The following MACROD2 variants were observed in gnomAD, a reference collection of about 807,000 sequenced individuals.
MACROD2 encodes the protein ADP-ribose glycohydrolase MACROD2.
A neutral mutation model predicts 70.4 loss-of-function variants in MACROD2; 36 were observed. That is an observed-to-expected ratio of 0.51 (90% CI 0.39 to 0.68). MACROD2 has a LOEUF of 0.68. Among genes scored for constraint, MACROD2 ranks in the 30% least tolerant of loss-of-function variants. The pLI is 0.00. For missense variants in MACROD2, 496 were observed against 538.4 expected, an observed-to-expected ratio of 0.92 and a Z score of 0.78; for synonymous variants, 172 against 178.8, an observed-to-expected ratio of 0.96 and a Z score of 0.30.
intron 5 of MACROD2, among the ~76,000 whole-genome samples, chr20:15,157,610 A>T (rs1207508106): frequency 1.3e-5 from 2 of 152,086 alleles, no homozygotes; most frequent in Non-Finnish European, 2.9e-5. Flanking sequence ...GCTAGTGTTG[A>T]CTAATAGCAT....
intron 8 of MACROD2, among the ~76,000 whole-genome samples, chr20:15,641,505 C>T (rs1262695445): frequency 6.6e-6 from 1 of 152,180 alleles, no homozygotes; most frequent in Admixed American, 6.5e-5. Context: ...TTCATCATCA[C>T]CCAGAGAGAC....
rs147285479 is a variant in MACROD2, at chr20:15,225,163, A to C, written c.419-4777A>C. ...ATTTTTTAATATAAAGAAATTATTG[A>C]GGCTAGGAAAATAAAAGAAAGATAT... On this transcript the variant is annotated intron_variant, in intron 5 of 17. Coordinates refer to ENST00000684519, the MANE Select transcript of MACROD2 (RefSeq NM_001351661.2). 1.5e-3 allele frequency among the ~76,000 whole-genome samples: 226 copies of C among 152,190 alleles called. 6 individuals are homozygous for C. The East Asian group carries it at 0.031, about 21-fold the overall frequency.
intron 5 of MACROD2, among the ~76,000 whole-genome samples, chr20:14,943,724 C>T (rs1391713151): frequency 6.6e-6 from 1 of 152,142 alleles, no homozygotes; most frequent in Admixed American, 6.5e-5. Flanking sequence ...GGAGGATTAA[C>T]ATTTAAATAC....
intron 4 of MACROD2, among the ~76,000 whole-genome samples, chr20:14,678,871 C>T (rs1375493880): frequency 2.0e-5 from 3 of 152,034 alleles, no homozygotes; most frequent in Non-Finnish European, 2.9e-5. Context: ...GTGATGACAA[C>T]ACTAGCTGTG....
At chr20:15,864,488 G>A (rs1255177793) in intron 9 of MACROD2, among the ~76,000 whole-genome samples, 1 of 152,002 alleles carries the variant, frequency 6.6e-6, no homozygotes, top group African/African-American at 2.4e-5. Flanking sequence ...CTAAAATAAA[G>A]TCTGCAGGAA....
intron 4 of MACROD2, among the ~76,000 whole-genome samples, chr20:14,556,665 A>T (rs1342437593): frequency 6.6e-6 from 1 of 152,042 alleles, no homozygotes; most frequent in Non-Finnish European, 1.5e-5. Context: ...GATGAGTTAC[A>T]TGGGTATATT....
chr20:15,159,386 G>A (rs2076331739), intron 5 of MACROD2, among the ~76,000 whole-genome samples: 1 of 151,970 alleles, frequency 6.6e-6, no homozygotes, highest in South Asian at 2.1e-4. Context: ...GCAGAAATAA[G>A]AGTTCAATCA....
intron 8 of MACROD2, among the ~76,000 whole-genome samples, chr20:15,694,425 G>A (rs1236018239): frequency 6.6e-6 from 1 of 152,098 alleles, no homozygotes. Context: ...GAGTAAGGTG[G>A]TATCACATTG....
intron 7 of MACROD2, among the ~76,000 whole-genome samples, chr20:15,453,090 A>T (rs902732476): frequency 6.6e-6 from 1 of 152,132 alleles, no homozygotes. Flanking sequence ...TGAACACAGC[A>T]TCAGGACCTG....
intron 3 of MACROD2, among the ~76,000 whole-genome samples, chr20:14,319,221 T>C (rs2082638261): frequency 6.6e-6 from 1 of 152,168 alleles, no homozygotes; most frequent in Non-Finnish European, 1.5e-5. Context: ...TCATACCAAC[T>C]CATTCCATCT....
intron 10 of MACROD2, among the ~76,000 whole-genome samples, chr20:15,920,600 C>G (rs1048964206): frequency 6.6e-6 from 1 of 151,934 alleles, no homozygotes; most frequent in Non-Finnish European, 1.5e-5. Context: ...CCAGAATGTC[C>G]CCCTTGTTCC....
intron 5 of MACROD2, among the ~76,000 whole-genome samples, chr20:14,881,322 C>T (rs1171496637): frequency 6.7e-6 from 1 of 150,336 alleles, no homozygotes; most frequent in Non-Finnish European, 1.5e-5. Context: ...GTTCTACCAC[C>T]TCTGTTGACT....
intron 4 of MACROD2, among the ~76,000 whole-genome samples, chr20:14,541,577 C>A (rs1482322989): frequency 3.3e-5 from 5 of 149,602 alleles, no homozygotes; most frequent in African/African-American, 9.9e-5. Context: ...CAGTGCCTAG[C>A]ACATGTACAC....
At chr20:14,978,637 C>A (rs192682920) in intron 5 of MACROD2, among the ~76,000 whole-genome samples, 1 of 147,266 alleles carries the variant, frequency 6.8e-6, no homozygotes. Flanking sequence ...CCCACCCCAC[C>A]CCATGAAAGG....
chr20:14,493,174 G>A (rs1462627494), intron 3 of MACROD2, among the ~76,000 whole-genome samples: 1 of 151,884 alleles, frequency 6.6e-6, no homozygotes. Context: ...GGAGAGCTCA[G>A]AAGATTAATT....
chr20:14,145,547 A>G (rs1182844948), intron 3 of MACROD2, among the ~76,000 whole-genome samples: 1 of 152,242 alleles, frequency 6.6e-6, no homozygotes, highest in African/African-American at 2.4e-5. Context: ...TATCAGAAAC[A>G]CTAGTTTTCT....
intron 10 of MACROD2, among the ~76,000 whole-genome samples, chr20:15,926,825 C>T (rs116648408): frequency 0.016 from 2,504 of 152,242 alleles, 67 homozygotes; most frequent in African/African-American, 0.057. Context: ...AGAGAAACAA[C>T]GAGGGTCTCC....
chr20:15,041,817 ATT>A (rs2075358843), intron 5 of MACROD2, among the ~76,000 whole-genome samples: 1 of 152,098 alleles, frequency 6.6e-6, no homozygotes, highest in Non-Finnish European at 1.5e-5. Flanking sequence ...TTTCTCCATC[ATT>A]GTTTCTTGGA....
At chr20:14,378,542 TC>T (rs2083393835) in intron 3 of MACROD2, among the ~76,000 whole-genome samples, 1 of 152,190 alleles carries the variant, frequency 6.6e-6, no homozygotes, top group Non-Finnish European at 1.5e-5. Flanking sequence ...TAATCTCTCT[TC>T]CCTTACTCCC....
Sources: gnomAD v4.1 joint callset for allele counts (sites outside exome capture counted in the v4.1 genomes callset) on GRCh38, gnomAD v4.1.1 for gene constraint, MANE v1.5 for transcripts, NCBI Gene and HGNC (gene_info 2026-07-23, HGNC 2026-07-21) for gene names.